Variants in EXOC2 observed in about 807,000 individuals in gnomAD.
EXOC2 encodes exocyst complex component 2.
In EXOC2, 70 loss-of-function variants were observed where a neutral mutation model predicts 131.8. The observed-to-expected ratio is 0.53, with a 90% CI of 0.44 to 0.65. The LOEUF is 0.65. Ranked by LOEUF, EXOC2 falls within the 30% of genes least tolerant of loss-of-function variation. The probability of loss-of-function intolerance (pLI) is 0.00; values close to 1 mark genes in which losing one functional copy is unlikely to be tolerated. For synonymous variants in EXOC2, 411 were observed against 398.4 expected, an observed-to-expected ratio of 1.03 and a Z score of -0.38; for missense variants, 923 against 1,108.6, an observed-to-expected ratio of 0.83 and a Z score of 2.38.
At chr6:647,107 T>C (rs1762609457) in intron 1 of EXOC2, among the ~76,000 whole-genome samples, 1 of 152,216 alleles carries the variant, frequency 6.6e-6, no homozygotes. Context: ...CACTGAGTGG[T>C]GATTCAATTA....
chr6:490,186 T>A (rs529325490), intron 26 of EXOC2, among the ~76,000 whole-genome samples: 2 of 152,366 alleles, frequency 1.3e-5, no homozygotes, highest in Admixed American at 1.3e-4. Flanking sequence ...TTTGGCACAT[T>A]TTCTCATTTA....
chr6:524,713 A>C (rs183386742), intron 23 of EXOC2, among the ~76,000 whole-genome samples: 86 of 152,332 alleles, frequency 5.6e-4, no homozygotes, highest in Non-Finnish European at 8.1e-4. Context: ...GGAATTTTCC[A>C]CAAAGAAAGG....
At chr6:637,677 G>A (rs1250461173) in intron 2 of EXOC2, 24 bp downstream of exon 2, 3 of 1,562,512 alleles carry the variant, frequency 1.9e-6, no homozygotes, top group South Asian at 1.2e-5. Context: ...TTAGCAGGGT[G>A]CGTCGCAGGG....
chr6:631,305 C>T (rs111901927), intron 3 of EXOC2, among the ~76,000 whole-genome samples: 12 of 152,058 alleles, frequency 7.9e-5, no homozygotes, highest in African/African-American at 9.7e-5. Flanking sequence ...TTTGGGAGGC[C>T]GAGGTGGGCG....
At chr6:690,055 G>A (rs895971240) in intron 1 of EXOC2, among the ~76,000 whole-genome samples, 1 of 152,220 alleles carries the variant, frequency 6.6e-6, no homozygotes, top group Non-Finnish European at 1.5e-5. Context: ...TTTTGACTCT[G>A]TGATTTTCAA....
At chr6:550,092 G>A (rs915964310) in intron 21 of EXOC2, among the ~76,000 whole-genome samples, 1 of 152,208 alleles carries the variant, frequency 6.6e-6, no homozygotes, top group Non-Finnish European at 1.5e-5. Flanking sequence ...GCGGTTCACC[G>A]AGGCACCCAA....
At position 634,044 on chromosome 6, in the gene EXOC2, G is replaced by A. The variant is rs1385156791; in HGVS notation, c.119-927C>T. ...GGAGAAAAGAAACCAGAATGTATGT[G>A]GCACAGACACAGACACTTGACGTTT... is the stretch of plus-strand genomic sequence containing the variant. On this transcript the variant is annotated intron_variant, in intron 2 of 27. Transcript: ENST00000230449. 2.7e-5 allele frequency among the ~76,000 whole-genome samples: 4 copies of A among 148,870 alleles called. No homozygotes were observed. In the South Asian group the frequency reaches 6.5e-4, roughly 24 times the overall value.
chr6:503,153 C>T (rs879898847), intron 23 of EXOC2, among the ~76,000 whole-genome samples: 1 of 148,952 alleles, frequency 6.7e-6, no homozygotes, highest in Admixed American at 6.7e-5. Flanking sequence ...GAATTAAATA[C>T]AGGAGCAAGT....
At chr6:564,420 C>G in intron 15 of EXOC2, 125 bp downstream of exon 15, 2 of 1,333,846 alleles carry the variant, frequency 1.5e-6, no homozygotes, top group Non-Finnish European at 1.0e-6. Flanking sequence ...GAACAGGAAA[C>G]AGTGGAGGCA....
chr6:613,173 C>T (rs1034370337), intron 6 of EXOC2, among the ~76,000 whole-genome samples: 2 of 152,144 alleles, frequency 1.3e-5, no homozygotes, highest in African/African-American at 2.4e-5. Context: ...GTGCTAGAAA[C>T]ATTTTTGCAG....
chr6:613,011 G>C (rs983843578), intron 6 of EXOC2, among the ~76,000 whole-genome samples: 1 of 152,084 alleles, frequency 6.6e-6, no homozygotes, highest in Admixed American at 6.5e-5. Flanking sequence ...AGGAGCTCAG[G>C]AAGGCCTTTC....
intron 22 of EXOC2, among the ~76,000 whole-genome samples, chr6:542,300 A>G (rs1329229115): frequency 6.6e-6 from 1 of 152,256 alleles, no homozygotes; most frequent in Non-Finnish European, 1.5e-5. Flanking sequence ...AAACATTTAA[A>G]AAGAATGTAC....
At chr6:656,876 GACGGTGCCGCTGACGTGAATGAACA>G in intron 1 of EXOC2, 1 of 1,604,978 alleles carries the variant, frequency 6.2e-7, no homozygotes, top group Non-Finnish European at 8.5e-7. Flanking sequence ...CTAGCCTCGC[GACGGTGCCGCTGACGTGAATGAACA>G]GCTCTAGACA....
At chr6:632,880 A>G in intron 3 of EXOC2, 61 bp downstream of exon 3, 1 of 1,510,172 alleles carries the variant, frequency 6.6e-7, no homozygotes, top group East Asian at 2.3e-5. Flanking sequence ...CCAGCTTTAC[A>G]GCTTAAAAGA....
At chr6:501,673 GAT>G (rs749207555) in intron 23 of EXOC2, among the ~76,000 whole-genome samples, 13 of 111,362 alleles carry the variant, frequency 1.2e-4, no homozygotes, top group Non-Finnish European at 1.9e-4. Context: ...ATCTATAAAA[GAT>G]ATATATATCT....
intron 11 of EXOC2, among the ~76,000 whole-genome samples, chr6:581,098 G>A (rs948919722): frequency 1.3e-5 from 2 of 151,844 alleles, no homozygotes; most frequent in Non-Finnish European, 1.5e-5. Context: ...GTTCGAGACC[G>A]GCCTGACCAA....
chr6:528,470 G>T (rs1765878802), intron 23 of EXOC2, among the ~76,000 whole-genome samples: 1 of 152,186 alleles, frequency 6.6e-6, no homozygotes, highest in South Asian at 2.1e-4. Context: ...ATGCAAGGCT[G>T]AGGTTCAGTT....
chr6:654,358 C>T (rs1363169739), intron 1 of EXOC2, among the ~76,000 whole-genome samples: 1 of 152,116 alleles, frequency 6.6e-6, no homozygotes, highest in African/African-American at 2.4e-5. Flanking sequence ...ATTAAGAACA[C>T]TGATGATTCA....
At chr6:625,811 GTGCAACAACTGA>G (rs1761535806) in intron 4 of EXOC2, among the ~76,000 whole-genome samples, 1 of 152,122 alleles carries the variant, frequency 6.6e-6, no homozygotes, top group Admixed American at 6.5e-5. Flanking sequence ...GACACTAGTG[GTGCAACAACTGA>G]CTCTTCTAGA....
Sources: allele counts gnomAD v4.1 joint callset (sites outside exome capture counted in the v4.1 genomes callset), GRCh38; gene constraint gnomAD v4.1.1; transcripts MANE v1.5; gene names NCBI Gene and HGNC (gene_info 2026-07-23, HGNC 2026-07-21).